Variants in HDAC4 observed in about 807,000 individuals in gnomAD.
The protein encoded by HDAC4 is histone deacetylase A.
Under a neutral mutation model 135.1 loss-of-function variants are expected in HDAC4, and 16 were observed. That is an observed-to-expected ratio of 0.12 (90% confidence interval 0.08 to 0.18). The LOEUF is 0.18. HDAC4 is among the 10% of genes least tolerant of loss of function. The pLI is 1.00. For synonymous variants in HDAC4, 685 were observed against 653.4 expected (o/e 1.05, Z -0.74); for missense variants, 1,143 against 1,511.8 (o/e 0.76, Z 4.05).
intron 6 of HDAC4, among the ~76,000 whole-genome samples, chr2:239,159,088 T>TCA (rs751499287): frequency 1.3e-4 from 18 of 143,016 alleles, no homozygotes; most frequent in East Asian, 2.2e-4. Flanking sequence ...CCTCCACACC[T>TCA]CACACACACA....
chr2:239,388,999 T>A (rs1429503075), intron 1 of HDAC4, among the ~76,000 whole-genome samples: 2 of 152,166 alleles, frequency 1.3e-5, no homozygotes, highest in African/African-American at 4.8e-5. Flanking sequence ...GGAGCCCGCA[T>A]TCTGCCTCTG....
At chr2:239,066,596 G>A (rs1574885976) in intron 24 of HDAC4, 126 bp downstream of exon 24, 1 of 1,265,626 alleles carries the variant, frequency 7.9e-7, no homozygotes. Flanking sequence ...GCAAGGCGGA[G>A]CTGCAAGCAT....
intron 16 of HDAC4, among the ~76,000 whole-genome samples, chr2:239,096,020 C>T (rs1289114207): frequency 6.6e-6 from 1 of 152,244 alleles, no homozygotes; most frequent in East Asian, 1.9e-4. Flanking sequence ...CTGTACCCCC[C>T]GCTGTGGGGC....
At chr2:239,363,447 G>A (rs1375100641) in intron 1 of HDAC4, among the ~76,000 whole-genome samples, 2 of 152,238 alleles carry the variant, frequency 1.3e-5, no homozygotes, top group African/African-American at 2.4e-5. Context: ...GACCAACACA[G>A]AGTCATCTGA....
chr2:239,149,838 C>T (rs1449251052), intron 7 of HDAC4, among the ~76,000 whole-genome samples: 3 of 152,204 alleles, frequency 2.0e-5, no homozygotes, highest in South Asian at 2.1e-4. Flanking sequence ...AACTGCAACA[C>T]CATCCCGCCT....
At chr2:239,386,755 C>T (rs940010037) in intron 1 of HDAC4, among the ~76,000 whole-genome samples, 11 of 152,200 alleles carry the variant, frequency 7.2e-5, no homozygotes, top group Non-Finnish European at 1.5e-4. Context: ...AACTTCTGCT[C>T]GTAACAAGGC....
intron 22 of HDAC4, among the ~76,000 whole-genome samples, chr2:239,077,604 C>G (rs1250864387): frequency 6.6e-6 from 1 of 152,240 alleles, no homozygotes; most frequent in East Asian, 1.9e-4. Flanking sequence ...TAGGAAAATA[C>G]TTGGATGCAC....
intron 2 of HDAC4, among the ~76,000 whole-genome samples, chr2:239,236,875 C>T (rs1053168168): frequency 3.3e-5 from 5 of 152,150 alleles, no homozygotes; most frequent in Non-Finnish European, 7.3e-5. Flanking sequence ...ATATGGCAAA[C>T]GCCCGTTTCT....
At chr2:239,060,381 ATCTG>A (rs1165812532) in intron 24 of HDAC4, among the ~76,000 whole-genome samples, 1 of 152,242 alleles carries the variant, frequency 6.6e-6, no homozygotes, top group Admixed American at 6.5e-5. Context: ...CCCTCTGTCC[ATCTG>A]TCTAATTCAC....
rs747767046 is a variant in HDAC4, at chr2:239,226,530, A to T, written c.94+10063T>A. Among the ~76,000 whole-genome samples, 76 of 152,174 alleles carry T rather than the reference A, an allele frequency of 5.0e-4. 1 individual carries two copies. The highest frequency in any genetic ancestry group is 1.5e-4 in the Non-Finnish European group (10 of 68,026). On this transcript the variant is annotated intron_variant, in intron 3 of 26. Transcript: ENST00000543185. ...AGCACCCAGAGGATATTTCTCAGACAGCACCCCCAATTCTCCACGACGCCC... is the reference window on the plus strand; with the variant it reads ...AGCACCCAGAGGATATTTCTCAGACTGCACCCCCAATTCTCCACGACGCCC...
chr2:239,252,364 C>T (rs904967077), intron 2 of HDAC4, among the ~76,000 whole-genome samples: 3 of 152,206 alleles, frequency 2.0e-5, no homozygotes, highest in Admixed American at 6.5e-5. Flanking sequence ...ACTCACAAGC[C>T]GCAGTGCCAC....
chr2:239,140,664 G>A (rs545776996), intron 8 of HDAC4, among the ~76,000 whole-genome samples: 142 of 152,210 alleles, frequency 9.3e-4, no homozygotes, highest in Non-Finnish European at 1.9e-3. Flanking sequence ...CAACGACTCT[G>A]GGTGCTCAGA....
At chr2:239,343,979 C>G (rs1056217241) in intron 2 of HDAC4, among the ~76,000 whole-genome samples, 3 of 152,192 alleles carry the variant, frequency 2.0e-5, no homozygotes, top group Non-Finnish European at 2.9e-5. Context: ...TCAGAACAAA[C>G]CTGCTGTTCA....
chr2:239,365,425 C>A (rs1391004338), intron 1 of HDAC4, among the ~76,000 whole-genome samples: 1 of 152,250 alleles, frequency 6.6e-6, no homozygotes, highest in African/African-American at 2.4e-5. Flanking sequence ...CCAAAACAGG[C>A]TCTGCTGAGC....
chr2:239,225,518 A>AG (rs761298891), intron 3 of HDAC4, among the ~76,000 whole-genome samples: 42 of 152,160 alleles, frequency 2.8e-4, no homozygotes, highest in Admixed American at 1.1e-3. Context: ...CCCCCACCCC[A>AG]GGGGGGGATG....
At chr2:239,267,736 G>A (rs11691535) in intron 2 of HDAC4, among the ~76,000 whole-genome samples, 37,861 of 152,230 alleles carry the variant, frequency 0.25, 5,520 homozygotes, top group East Asian at 0.51. Context: ...GGCCCCTCAC[G>A]AAGAGCTCTG....
At position 239,313,320 on chromosome 2, in the gene HDAC4, G is replaced by A. The variant is rs931686460; in HGVS notation, c.22+39358C>T. Among the ~76,000 whole-genome samples, 1 of 152,156 alleles carries A rather than the reference G, an allele frequency of 6.6e-6. No individual in the cohort carries two copies. The highest frequency in any genetic ancestry group is 2.4e-5 in the African/African-American group (1 of 41,434). ...ATGTAAATGTCCCTGCAGCAGCCAG[G>A]GACTAATTTTAGAAGGGGCTTTGAG... On this transcript the variant is annotated intron_variant, in intron 2 of 26. Coordinates refer to ENST00000543185, the MANE Select transcript of HDAC4 (RefSeq NM_001378414.1). The surrounding 1 kb of genome is among the most constrained non-coding windows in gnomAD (Gnocchi z 5.1).
intron 1 of HDAC4, among the ~76,000 whole-genome samples, chr2:239,397,978 G>T (rs1696677906): frequency 6.6e-6 from 1 of 152,216 alleles, no homozygotes; most frequent in Non-Finnish European, 1.5e-5. Context: ...CCCCAGGACA[G>T]ACTGGGGGCT....
At chr2:239,179,609 G>T (rs2044008899) in intron 4 of HDAC4, among the ~76,000 whole-genome samples, 1 of 152,212 alleles carries the variant, frequency 6.6e-6, no homozygotes, top group African/African-American at 2.4e-5. Context: ...GTGCCAAAAA[G>T]GTCGGGACCG....
Sources: gnomAD v4.1 joint callset for allele counts (sites outside exome capture counted in the v4.1 genomes callset) on GRCh38, gnomAD v4.1.1 for gene constraint, Gnocchi (gnomAD v3.1) non-coding constraint, MANE v1.5 for transcripts, NCBI Gene and HGNC (gene_info 2026-07-23, HGNC 2026-07-21) for gene names.